Variants in PI4KA observed in about 807,000 individuals in gnomAD.
PI4KA encodes PI4-kinase alpha.
PI4KA carries 122 observed loss-of-function variants against 271.4 expected under a neutral mutation model. That is an observed-to-expected ratio of 0.45 (90% CI 0.39 to 0.52). The LOEUF (loss-of-function observed/expected upper bound fraction) is 0.52. Among genes scored for constraint, PI4KA ranks in the 20% least tolerant of loss-of-function variants. PI4KA has a pLI of 0.00. For synonymous variants in PI4KA, 1,041 were observed against 1,078.8 expected (o/e 0.96, Z 0.69); for missense variants, 1,969 against 2,769.1 (o/e 0.71, Z 6.48).
rs367676308 is a variant in PI4KA at position 20,830,664 on chromosome 22, G to A, written c.367+3898C>T. On this transcript the variant is annotated intron_variant, in intron 3 of 54. Coordinates refer to ENST00000255882, the MANE Select transcript of PI4KA (RefSeq NM_058004.4). ...TACATTCATAATATTGATATGTGTG[G>A]CTCTGTTCCTGTCACCATATTGTTA... 1.1e-4 allele frequency among the ~76,000 whole-genome samples: 16 copies of A among 152,236 alleles called. No homozygotes were observed. The South Asian group carries it at 2.9e-3, about 28-fold the overall frequency.
rs1925218700 is a variant in PI4KA, at chr22:20,711,133, C to T, written c.5923+208G>A. 1.3e-5 allele frequency: 7 copies of T among 544,062 alleles called. 1 individual carries two copies. The highest frequency in any genetic ancestry group is 9.8e-5 in the South Asian group (5 of 50,922). 33.7% of individuals were successfully genotyped at this position (544,062 alleles called of 1,614,324 possible). A position where few individuals can be genotyped will look rare whatever the true frequency, so the allele number is the denominator to read the frequency against. On this transcript the variant is annotated intron_variant, in intron 51 of 54. Transcript: ENST00000255882. Reference sequence around the variant, plus strand: ...TCCAGCTTCTGACTCAGAGCAATGGCGGCTCTCGCCCTAGCTCCCTGGGGC... The same window carrying T: ...TCCAGCTTCTGACTCAGAGCAATGGTGGCTCTCGCCCTAGCTCCCTGGGGC...
At chr22:20,756,292 A>G (rs1931292609) in intron 23 of PI4KA, among the ~76,000 whole-genome samples, 1 of 150,974 alleles carries the variant, frequency 6.6e-6, no homozygotes, top group African/African-American at 2.4e-5. Context: ...GCTCACTGCA[A>G]CCTCCGACGG....
intron 37 of PI4KA, 57 bp from the exon 38 acceptor site, chr22:20,729,768 G>T (rs1927794755): frequency 6.4e-7 from 1 of 1,574,584 alleles, no homozygotes; most frequent in Non-Finnish European, 8.7e-7. Context: ...TCTGCCCTGA[G>T]ATTCTAAACC....
intron 52 of PI4KA, 71 bp downstream of exon 52, chr22:20,710,628 C>T: frequency 7.1e-7 from 1 of 1,407,060 alleles, no homozygotes; most frequent in Non-Finnish European, 9.9e-7. Context: ...GGATTCCCTT[C>T]ATCCTAAAGG....
chr22:20,784,273 T>A, intron 19 of PI4KA: 1 of 1,613,994 alleles, frequency 6.2e-7, no homozygotes, highest in Non-Finnish European at 8.5e-7. Flanking sequence ...TTTGTTCTTT[T>A]GAGCTCCCAG....
intron 19 of PI4KA, chr22:20,780,029 A>T (rs1411402099): frequency 1.9e-6 from 3 of 1,614,004 alleles, no homozygotes; most frequent in African/African-American, 2.7e-5. Flanking sequence ...TCAAAACTAA[A>T]GTAAGAGAGT....
chr22:20,753,603 A>T (rs941927026), intron 23 of PI4KA, among the ~76,000 whole-genome samples: 2 of 152,150 alleles, frequency 1.3e-5, no homozygotes, highest in East Asian at 3.9e-4. Flanking sequence ...CCCCTAATTT[A>T]GGTTTGTCTG....
chr22:20,795,744 T>G (rs932793360), intron 18 of PI4KA, among the ~76,000 whole-genome samples: 1 of 151,984 alleles, frequency 6.6e-6, no homozygotes, highest in Non-Finnish European at 1.5e-5. Flanking sequence ...AGGCCTGAGA[T>G]TAGGTGAAAT....
Position 20,721,205 on chromosome 22 carries a change from G to C in PI4KA, c.5116+93C>G, listed in dbSNP as rs146422944. 631 of 1,375,034 alleles carry C rather than the reference G, an allele frequency of 4.6e-4. 4 individuals carry two copies. The African/African-American group carries it at 7.7e-3, about 17-fold the overall frequency. 85.2% of individuals were successfully genotyped at this position (1,375,034 alleles called of 1,614,324 possible). On this transcript the variant is annotated intron_variant, in intron 43 of 54. Transcript: ENST00000255882. ...GTGGAGGGGTCGGTGAGCTGGGGCA[G>C]TGCAGGCTGGCGAGAGCCCTGGGGG...
At chr22:20,811,605 C>T (rs1298049028) in intron 8 of PI4KA, among the ~76,000 whole-genome samples, 1 of 47,592 alleles carries the variant, frequency 2.1e-5, no homozygotes, top group Non-Finnish European at 4.1e-5. Flanking sequence ...ACTGCAGAAC[C>T]ACAAAAAAAA....
intron 29 of PI4KA, among the ~76,000 whole-genome samples, chr22:20,745,899 T>C (rs1930002512): frequency 6.6e-6 from 1 of 152,022 alleles, no homozygotes; most frequent in Admixed American, 6.6e-5. Flanking sequence ...CACTGCCCAA[T>C]GCGATCTCGG....
At chr22:20,855,286 C>G (rs1022428208) in intron 1 of PI4KA, among the ~76,000 whole-genome samples, 4 of 151,628 alleles carry the variant, frequency 2.6e-5, no homozygotes, top group South Asian at 2.1e-4. Flanking sequence ...TTTTATTATA[C>G]TTTAAGTTCA....
intron 14 of PI4KA, among the ~76,000 whole-genome samples, chr22:20,800,384 A>G (rs542024610): frequency 2.6e-5 from 4 of 152,308 alleles, no homozygotes; most frequent in African/African-American, 9.6e-5. Flanking sequence ...TTGGAAGAAC[A>G]AGAGTCCACA....
chr22:20,708,220 A>G, intron 54 of PI4KA, 122 bp from the exon 55 acceptor site: 1 of 803,198 alleles, frequency 1.2e-6, no homozygotes, highest in Admixed American at 1.8e-5. Flanking sequence ...TGAAGGTACA[A>G]ATGTCCCAGG....
At chr22:20,755,281 G>A (rs1433459707) in intron 23 of PI4KA, among the ~76,000 whole-genome samples, 1 of 152,186 alleles carries the variant, frequency 6.6e-6, no homozygotes, top group Non-Finnish European at 1.5e-5. Flanking sequence ...GTTGGCTCCT[G>A]TGTCATTCGG....
At chr22:20,802,994 T>C (rs1425248465) in intron 13 of PI4KA, among the ~76,000 whole-genome samples, 197 bp downstream of exon 13, 11 of 151,988 alleles carry the variant, frequency 7.2e-5, no homozygotes, top group African/African-American at 2.7e-4. Flanking sequence ...GAAGGGGCCT[T>C]TGGTGTAACA....
At position 20,819,920 on chromosome 22, in the gene PI4KA, C is replaced by G. The variant is rs774696201; in HGVS notation, c.530-20G>C. 4 of 1,604,352 alleles carry G rather than the reference C, an allele frequency of 2.5e-6. No homozygotes were observed. Among genetic ancestry groups the G allele is most frequent in the Non-Finnish European group, 3.4e-6 (4 of 1,172,390 alleles). On this transcript the variant is annotated intron_variant, in intron 5 of 54. Coordinates refer to ENST00000255882, the MANE Select transcript of PI4KA (RefSeq NM_058004.4). ...GGTATTCTAGAAGATCAAGTGAAAACGTTACAATATAAGAAAGTATCCTGA... is the reference window on the plus strand; with the variant it reads ...GGTATTCTAGAAGATCAAGTGAAAAGGTTACAATATAAGAAAGTATCCTGA...
chr22:20,741,151 G>C (rs1016526044), intron 32 of PI4KA, among the ~76,000 whole-genome samples: 3 of 152,208 alleles, frequency 2.0e-5, no homozygotes, highest in African/African-American at 7.2e-5. Context: ...ATTAGAGGGA[G>C]AAATTGGGTG....
rs764933695 is a variant in PI4KA, at chr22:20,793,247, GA to G, written c.2278-5del. The G allele has an allele frequency of 6.5e-7, 1 of 1,530,906 alleles. No homozygotes were observed. The highest frequency in any genetic ancestry group is 1.7e-5 in the Admixed American group (1 of 59,772). 94.8% of individuals were successfully genotyped at this position (1,530,906 alleles called of 1,614,324 possible). On this transcript the variant is annotated splice_region_variant and splice_polypyrimidine_tract_variant and intron_variant, in intron 18 of 54. Transcript: ENST00000255882. ...AGTTCCCTGCACTGCTAGAAGCCTAGAAAAGAACAGAATTATTGTCATTAAC... is the reference window on the plus strand; with the variant it reads ...AGTTCCCTGCACTGCTAGAAGCCTAGAAAGAACAGAATTATTGTCATTAAC...
Sources: allele counts gnomAD v4.1 joint callset (sites outside exome capture counted in the v4.1 genomes callset), GRCh38; gene constraint gnomAD v4.1.1; transcripts MANE v1.5; gene names NCBI Gene and HGNC (gene_info 2026-07-23, HGNC 2026-07-21).